IFT43: variants seen among roughly 807,000 people sequenced by gnomAD.
The protein encoded by IFT43 is intraflagellar transport 43.
IFT43 carries 33 observed loss-of-function variants against 32.3 expected under a neutral mutation model. The ratio of observed to expected loss-of-function variants is 1.02; its 90% confidence interval spans 0.77 to 1.37. The LOEUF (loss-of-function observed/expected upper bound fraction) is 1.37, where lower values mean the gene tolerates loss of function less well. Among genes scored for constraint, IFT43 ranks in the 40% most tolerant of loss-of-function variants. The probability of loss-of-function intolerance (pLI) is 0.00; values close to 1 mark genes in which losing one functional copy is unlikely to be tolerated. For missense variants in IFT43, 274 were observed against 265.9 expected, an observed-to-expected ratio of 1.03 and a Z score of -0.21; for synonymous variants, 93 against 98.2, an observed-to-expected ratio of 0.95 and a Z score of 0.31.
intron 2 of IFT43, among the ~76,000 whole-genome samples, chr14:75,996,577 A>C (rs2035751942): frequency 2.0e-5 from 3 of 152,246 alleles, no homozygotes; most frequent in Admixed American, 2.0e-4. Context: ...CATTTGGGTG[A>C]GGAATCCTTT....
chr14:76,070,693 A>G (rs546242278), intron 5 of IFT43, among the ~76,000 whole-genome samples: 1 of 152,234 alleles, frequency 6.6e-6, no homozygotes, highest in South Asian at 2.1e-4. Flanking sequence ...TTTCTCATGA[A>G]TGGTTTGGCA....
chr14:75,993,750 T>C (rs1018060855), intron 2 of IFT43, among the ~76,000 whole-genome samples: 3 of 152,210 alleles, frequency 2.0e-5, no homozygotes, highest in Non-Finnish European at 1.5e-5. Context: ...CCTGTGACTT[T>C]TGTTCTCATG....
chr14:76,048,380 G>A (rs993579450), intron 3 of IFT43, among the ~76,000 whole-genome samples: 14 of 152,222 alleles, frequency 9.2e-5, no homozygotes, highest in African/African-American at 3.4e-4. Context: ...TGCAGAGTGA[G>A]CAGCTGAAAG....
chr14:76,051,972 G>A (rs1323110604), intron 3 of IFT43, among the ~76,000 whole-genome samples: 2 of 152,154 alleles, frequency 1.3e-5, no homozygotes, highest in African/African-American at 2.4e-5. Context: ...TCCCCAGGTC[G>A]GAGTGATCCC....
At chr14:76,029,437 C>G (rs2036465607) in intron 3 of IFT43, among the ~76,000 whole-genome samples, 1 of 152,148 alleles carries the variant, frequency 6.6e-6, no homozygotes, top group East Asian at 1.9e-4. Context: ...GATAGTTTCT[C>G]TTGCTGTGCA....
chr14:76,015,103 A>G (rs543550393), intron 2 of IFT43, among the ~76,000 whole-genome samples: 2 of 152,310 alleles, frequency 1.3e-5, no homozygotes, highest in Admixed American at 6.5e-5. Context: ...CACATAGGTA[A>G]CAAGGTTGAT....
At chr14:76,044,848 C>T (rs1008747574) in intron 3 of IFT43, among the ~76,000 whole-genome samples, 1 of 152,212 alleles carries the variant, frequency 6.6e-6, no homozygotes, top group Non-Finnish European at 1.5e-5. Context: ...AGGCCAACCG[C>T]TCCTCTTCCT....
chr14:76,029,814 GGCCTCTGT>G, intron 3 of IFT43, among the ~76,000 whole-genome samples: 2 of 149,508 alleles, frequency 1.3e-5, no homozygotes, highest in South Asian at 4.4e-4. Context: ...CTGTTCCATT[GGCCTCTGT>G]GCCTATTTTT....
At chr14:76,040,649 A>G (rs2140007007) in intron 3 of IFT43, among the ~76,000 whole-genome samples, 1 of 152,358 alleles carries the variant, frequency 6.6e-6, no homozygotes, top group South Asian at 2.1e-4. Context: ...GCAAATGACT[A>G]AGCATGAAAT....
intron 2 of IFT43, among the ~76,000 whole-genome samples, chr14:76,007,858 A>G (rs2036008921): frequency 6.6e-6 from 1 of 152,192 alleles, no homozygotes; most frequent in African/African-American, 2.4e-5. Flanking sequence ...AGGATGACCC[A>G]AAAGGATGTA....
intron 3 of IFT43, among the ~76,000 whole-genome samples, chr14:76,045,304 G>A (rs2036786026): frequency 1.3e-5 from 2 of 152,126 alleles, no homozygotes; most frequent in Non-Finnish European, 2.9e-5. Context: ...CGCATCCTTA[G>A]AATTCTTCTC....
intron 2 of IFT43, among the ~76,000 whole-genome samples, chr14:75,993,298 A>G (rs754841648): frequency 6.6e-6 from 1 of 152,218 alleles, no homozygotes; most frequent in Non-Finnish European, 1.5e-5. Context: ...TAATATGGAA[A>G]TTCAGATTTG....
chr14:76,026,255 T>C (rs1468006982), intron 3 of IFT43, among the ~76,000 whole-genome samples: 1 of 151,914 alleles, frequency 6.6e-6, no homozygotes, highest in African/African-American at 2.4e-5. Context: ...AGAATGGCAG[T>C]TATTAAAAAG....
intron 2 of IFT43, among the ~76,000 whole-genome samples, chr14:76,001,016 A>G (rs1304683349): frequency 2.0e-5 from 3 of 152,226 alleles, no homozygotes; most frequent in East Asian, 1.9e-4. Flanking sequence ...TCATCAGCAT[A>G]TATTCTAGGG....
intron 3 of IFT43, among the ~76,000 whole-genome samples, chr14:76,025,445 A>G (rs776051760): frequency 1.5e-4 from 23 of 152,126 alleles, no homozygotes; most frequent in Non-Finnish European, 3.1e-4. Flanking sequence ...AGAAAAAACT[A>G]TTTTAAAATT....
chr14:76,014,074 G>A, intron 2 of IFT43: 1 of 277,288 alleles, frequency 3.6e-6, no homozygotes, highest in Non-Finnish European at 7.4e-6. Context: ...GTACTCTAAG[G>A]ACTGTAAAAA....
intron 3 of IFT43, among the ~76,000 whole-genome samples, chr14:76,027,340 A>ACC (rs2036419290): frequency 2.6e-5 from 1 of 38,218 alleles, no homozygotes; most frequent in Admixed American, 2.3e-4. Flanking sequence ...AACACCCCCC[A>ACC]CACACACACT....
chr14:76,006,140 G>T (rs1301236809), intron 2 of IFT43, among the ~76,000 whole-genome samples: 1 of 152,150 alleles, frequency 6.6e-6, no homozygotes, highest in East Asian at 1.9e-4. Context: ...AGAAACATGG[G>T]TATGAAAGAG....
intron 2 of IFT43, among the ~76,000 whole-genome samples, chr14:76,009,938 G>T (rs1429113495): frequency 6.6e-6 from 1 of 152,146 alleles, no homozygotes; most frequent in African/African-American, 2.4e-5. Context: ...GGGACTACAG[G>T]TACATGCCAC....
Sources: allele counts gnomAD v4.1 joint callset (sites outside exome capture counted in the v4.1 genomes callset), GRCh38; gene constraint gnomAD v4.1.1; transcripts MANE v1.5; gene names NCBI Gene and HGNC (gene_info 2026-07-23, HGNC 2026-07-21).